The following PLCG2 variants were observed in gnomAD, a reference collection of about 807,000 sequenced individuals.
PLCG2 encodes phospholipase C gamma 2.
PLCG2 carries 69 observed loss-of-function variants against 175.6 expected under a neutral mutation model. The observed-to-expected ratio is 0.39, with a 90% CI of 0.32 to 0.48. The LOEUF (loss-of-function observed/expected upper bound fraction) is 0.48. Ranked by LOEUF, PLCG2 falls within the 20% of genes least tolerant of loss-of-function variation. The probability of loss-of-function intolerance (pLI) is 0.91; values close to 1 mark genes in which losing one functional copy is unlikely to be tolerated. For missense variants in PLCG2, 1,798 were observed against 1,650.9 expected, an observed-to-expected ratio of 1.09 and a Z score of -1.54; for synonymous variants, 827 against 624.0, an observed-to-expected ratio of 1.33 and a Z score of -4.85.
intron 1 of PLCG2, among the ~76,000 whole-genome samples, chr16:81,781,317 A>G (rs1053667597): frequency 2.0e-5 from 3 of 152,084 alleles, no homozygotes; most frequent in Admixed American, 6.6e-5. Flanking sequence ...CTTATCTATC[A>G]TCCTCATTCT....
chr16:81,742,813 G>A (rs1483196014), intron 1 of PLCG2, among the ~76,000 whole-genome samples: 2 of 152,204 alleles, frequency 1.3e-5, no homozygotes, highest in Non-Finnish European at 2.9e-5. Flanking sequence ...CAGGTTCTGG[G>A]ACCCAGCTTC....
At chr16:81,817,045 C>T (rs1904583772) in intron 2 of PLCG2, among the ~76,000 whole-genome samples, 1 of 152,158 alleles carries the variant, frequency 6.6e-6, no homozygotes, top group Non-Finnish European at 1.5e-5. Flanking sequence ...GAAATAGAGG[C>T]ACAACCATCA....
At chr16:81,743,399 G>C (rs1305930413) in intron 1 of PLCG2, among the ~76,000 whole-genome samples, 1 of 152,196 alleles carries the variant, frequency 6.6e-6, no homozygotes, top group Non-Finnish European at 1.5e-5. Flanking sequence ...CTCTTGACTG[G>C]ACCGACTGGC....
chr16:81,917,874 A>G (rs1295990233), intron 19 of PLCG2, among the ~76,000 whole-genome samples: 2 of 152,168 alleles, frequency 1.3e-5, no homozygotes, highest in African/African-American at 4.8e-5. Context: ...GGTGCCCGCC[A>G]CTGCGCCCAG....
At position 81,789,202 on chromosome 16, in the gene PLCG2, A is replaced by G. The variant is rs76407063; in HGVS notation, c.193+3020A>G. Among the ~76,000 whole-genome samples, 330 of 152,386 alleles carry G rather than the reference A, an allele frequency of 2.2e-3. 1 individual carries two copies. The highest frequency in any genetic ancestry group is 7.5e-3 in the African/African-American group (310 of 41,598). ...TCTTCTGAAGCTCATTGTGATGGGC[A>G]TGAGACAGGATTTTGGCTTGAAATC... On this transcript the variant is annotated intron_variant, in intron 2 of 32. Transcript: ENST00000564138.
At position 81,910,718 on chromosome 16, in the gene PLCG2, G is replaced by A. The variant is rs1452225239; in HGVS notation, c.1932G>A (p.Lys644=). Residue 644 remains lysine (K), a splice_region_variant and synonymous_variant, in exon 18 of 33, where the codon AAG becomes AAA. Coordinates refer to ENST00000564138, the MANE Select transcript of PLCG2 (RefSeq NM_002661.5). The part of the protein sequence containing the change: ...PVPNPNPHES[K]PWYYDSLSRG... ...CCAACCCCAACCCCCACGAGTCCAA[G>A]CCGTACGTGTCTGAGGGTGGAGCAG... The A allele has an allele frequency of 1.9e-6, 3 of 1,607,304 alleles. No homozygotes were observed. The highest frequency in any genetic ancestry group is 1.3e-5 in the African/African-American group (1 of 74,934).
intron 2 of PLCG2, among the ~76,000 whole-genome samples, chr16:81,768,825 C>T (rs1910211611): frequency 6.6e-6 from 1 of 152,132 alleles, no homozygotes; most frequent in Admixed American, 6.6e-5. Flanking sequence ...CCTCGGCCTC[C>T]CAAAGTACTG....
At chr16:81,742,797 CTTCCT>C (rs1909623845) in intron 1 of PLCG2, among the ~76,000 whole-genome samples, 1 of 152,194 alleles carries the variant, frequency 6.6e-6, no homozygotes, top group African/African-American at 2.4e-5. Flanking sequence ...TCTGGCCAGA[CTTCCT>C]CAGGTTCTGG....
intron 2 of PLCG2, among the ~76,000 whole-genome samples, chr16:81,824,648 A>C (rs1326644332): frequency 1.3e-5 from 2 of 152,336 alleles, no homozygotes; most frequent in Non-Finnish European, 2.9e-5. Context: ...TTCAGCGGTT[A>C]TAATTAAAGG....
rs1456824150 is a variant in PLCG2 at position 81,859,582 on chromosome 16, T to A, written c.479+419T>A. Among the ~76,000 whole-genome samples, 3 of 151,952 alleles carry A rather than the reference T, an allele frequency of 2.0e-5. No homozygotes were observed. In the East Asian group the frequency reaches 5.8e-4, roughly 29 times the overall value. On this transcript the variant is annotated intron_variant, in intron 5 of 32. Coordinates refer to ENST00000564138, the MANE Select transcript of PLCG2 (RefSeq NM_002661.5). ...CGGAGTCTCGCTCTTTCGCCCAGGC[T>A]GGAGTGCAGTGGCATGATCTCAGCT...
intron 2 of PLCG2, among the ~76,000 whole-genome samples, chr16:81,808,370 T>A (rs996439426): frequency 6.6e-6 from 1 of 152,090 alleles, no homozygotes; most frequent in Non-Finnish European, 1.5e-5. Context: ...GGGCACCCTT[T>A]TAGAGAGAGA....
chr16:81,789,269 C>T (rs988085510), intron 2 of PLCG2, among the ~76,000 whole-genome samples: 1 of 152,218 alleles, frequency 6.6e-6, no homozygotes, highest in Non-Finnish European at 1.5e-5. Flanking sequence ...AATACCATTT[C>T]ACTCGCTTAC....
intron 2 of PLCG2, among the ~76,000 whole-genome samples, chr16:81,803,344 C>T (rs1839886130): frequency 6.6e-6 from 1 of 151,854 alleles, no homozygotes; most frequent in Admixed American, 6.6e-5. Context: ...ATGCATCTCA[C>T]TTCTTTAGCC....
intron 15 of PLCG2, among the ~76,000 whole-genome samples, chr16:81,907,457 A>C (rs1282149308): frequency 6.6e-6 from 1 of 152,246 alleles, no homozygotes; most frequent in African/African-American, 2.4e-5. Context: ...TGGATCTAAA[A>C]AGTCCAAAAA....
intron 15 of PLCG2, chr16:81,906,310 G>C (rs1820253191): frequency 6.6e-6 from 1 of 152,144 alleles, no homozygotes; most frequent in South Asian, 2.1e-4. Context: ...TTATTTTTCA[G>C]ACTTTAATGC....
At chr16:81,881,826 A>G (rs892834527) in intron 8 of PLCG2, among the ~76,000 whole-genome samples, 2 of 133,992 alleles carry the variant, frequency 1.5e-5, no homozygotes, top group East Asian at 2.1e-4. Context: ...TTTTTTTTGT[A>G]TTTTTGGTAG....
intron 1 of PLCG2, among the ~76,000 whole-genome samples, chr16:81,752,191 G>A (rs1210870344): frequency 6.6e-6 from 1 of 152,090 alleles, no homozygotes; most frequent in Admixed American, 6.6e-5. Context: ...CCCCAACACT[G>A]CGTCTCAGAG....
intron 2 of PLCG2, among the ~76,000 whole-genome samples, chr16:81,810,670 CT>C (rs1904310308): frequency 6.7e-6 from 1 of 148,862 alleles, no homozygotes; most frequent in African/African-American, 2.5e-5. Flanking sequence ...GGTGATGTTG[CT>C]CTTTAAAATG....
chr16:81,943,371 G>C (rs1250261616), intron 30 of PLCG2, among the ~76,000 whole-genome samples: 1 of 152,194 alleles, frequency 6.6e-6, no homozygotes, highest in Non-Finnish European at 1.5e-5. Flanking sequence ...AGGAGGAAAA[G>C]AGAGCTAGTG....
Sources: allele counts gnomAD v4.1 joint callset (sites outside exome capture counted in the v4.1 genomes callset), GRCh38; gene constraint gnomAD v4.1.1; transcripts MANE v1.5; gene names NCBI Gene and HGNC (gene_info 2026-07-23, HGNC 2026-07-21).